The following GALNT10 variants were observed in gnomAD, a reference collection of about 807,000 sequenced individuals.
The protein encoded by GALNT10 is GalNAc transferase 10.
Under a neutral mutation model 75.0 loss-of-function variants are expected in GALNT10, and 41 were observed. The observed-to-expected ratio is 0.55, with a 90% CI of 0.43 to 0.71. The LOEUF (loss-of-function observed/expected upper bound fraction) is 0.71, where lower values mean the gene tolerates loss of function less well. Among genes scored for constraint, GALNT10 ranks in the 30% least tolerant of loss-of-function variants. The pLI is 0.00. For synonymous variants in GALNT10, 302 were observed against 313.0 expected (o/e 0.96, Z 0.37); for missense variants, 727 against 818.5 (o/e 0.89, Z 1.36).
intron 3 of GALNT10, among the ~76,000 whole-genome samples, chr5:154,314,633 C>A (rs949271540): frequency 2.0e-5 from 3 of 151,772 alleles, no homozygotes; most frequent in Admixed American, 2.0e-4. Flanking sequence ...TGCCTCCCCG[C>A]CTCCCACAAC....
Position 154,408,247 on chromosome 5 carries a change from CCTT to C in GALNT10, c.1165-1291_1165-1289del, listed in dbSNP as rs1366761114. ...TTAAACATTTGGGACCCCTGCCTGA[CCTT>C]CTGCTCCTAGAGCAATCCTTCACAC... On this transcript the variant is annotated intron_variant, in intron 8 of 11. Coordinates refer to ENST00000297107, the MANE Select transcript of GALNT10 (RefSeq NM_198321.4). Among the ~76,000 whole-genome samples the C allele has an allele frequency of 5.3e-5, 8 of 152,290 alleles. No homozygotes were observed. The East Asian group carries it at 1.2e-3, about 22-fold the overall frequency.
intron 7 of GALNT10, chr5:154,386,803 G>T: frequency 4.5e-6 from 2 of 440,450 alleles, no homozygotes; most frequent in Non-Finnish European, 8.0e-6. Flanking sequence ...AACAGGATAC[G>T]TAGGCCTAGA....
In GALNT10 at chr5:154,344,461, T is replaced by C. The variant is rs35796613; in HGVS notation, c.568+14723T>C. Among the ~76,000 whole-genome samples the C allele has an allele frequency of 8.0e-3, 1,221 of 152,204 alleles. 8 individuals are homozygous for C. Among genetic ancestry groups the C allele is most frequent in the Non-Finnish European group, 0.014 (973 of 68,014 alleles). On this transcript the variant is annotated intron_variant, in intron 4 of 11. Transcript: ENST00000297107. ...TCCTGACCTTGTGATCCGCCCACCT[T>C]GGCCTCCCAAAGTGCTAGGATTACA...
intron 3 of GALNT10, among the ~76,000 whole-genome samples, chr5:154,328,956 C>A (rs1388331204): frequency 6.6e-6 from 1 of 152,132 alleles, no homozygotes; most frequent in Non-Finnish European, 1.5e-5. Context: ...CAGCTCCTGT[C>A]CCCTTCCTGG....
intron 4 of GALNT10, chr5:154,337,622 C>G: frequency 1.1e-6 from 1 of 898,586 alleles, no homozygotes; most frequent in Non-Finnish European, 1.8e-6. Flanking sequence ...AATTTGAAGA[C>G]TGATAGTTGT....
chr5:154,322,706 C>T lies in GALNT10; in HGVS notation c.402-6866C>T, dbSNP rs577670147. ...GGGCCTGGGAAAATTCCCTATCCTC[C>T]CACAGGAGCTGATGTCCTCAGCCAG... On this transcript the variant is annotated intron_variant, in intron 3 of 11. Transcript: ENST00000297107. 2.0e-5 allele frequency among the ~76,000 whole-genome samples: 3 copies of T among 152,256 alleles called. No individual in the cohort carries two copies. The South Asian group carries it at 6.2e-4, about 32-fold the overall frequency.
chr5:154,398,862 A>C (rs961218754), intron 7 of GALNT10, among the ~76,000 whole-genome samples: 8 of 152,232 alleles, frequency 5.3e-5, no homozygotes, highest in African/African-American at 1.7e-4. Flanking sequence ...CAGTCTCTCC[A>C]TTTGGGAAAT....
chr5:154,372,815 G>A (rs1469063355), intron 4 of GALNT10, among the ~76,000 whole-genome samples: 2 of 152,124 alleles, frequency 1.3e-5, no homozygotes, highest in African/African-American at 4.8e-5. Flanking sequence ...TGCTGAGAGG[G>A]GGTATGGGTG....
intron 1 of GALNT10, among the ~76,000 whole-genome samples, chr5:154,193,773 G>A (rs184942329): frequency 2.0e-5 from 3 of 152,316 alleles, no homozygotes; most frequent in South Asian, 4.1e-4. Flanking sequence ...ATTAAAGAAC[G>A]GAGTTTCAAA....
chr5:154,322,368 T>G (rs1328920290), intron 3 of GALNT10, among the ~76,000 whole-genome samples: 4 of 152,088 alleles, frequency 2.6e-5, no homozygotes, highest in Non-Finnish European at 5.9e-5. Context: ...CTCTCGTAGC[T>G]CAAATCTCTA....
intron 1 of GALNT10, among the ~76,000 whole-genome samples, chr5:154,273,681 T>C (rs185633677): frequency 6.6e-6 from 1 of 152,330 alleles, no homozygotes; most frequent in East Asian, 1.9e-4. Flanking sequence ...GGAGAAATTT[T>C]TATTTTTCAT....
At chr5:154,274,556 C>T (rs186799278) in intron 1 of GALNT10, among the ~76,000 whole-genome samples, 2 of 152,264 alleles carry the variant, frequency 1.3e-5, no homozygotes, top group Non-Finnish European at 2.9e-5. Context: ...TCACCATCAT[C>T]GTCACCAAAT....
chr5:154,395,293 T>G (rs1460919471), intron 7 of GALNT10, among the ~76,000 whole-genome samples: 1 of 152,238 alleles, frequency 6.6e-6, no homozygotes, highest in African/African-American at 2.4e-5. Context: ...AGCACAGTAT[T>G]ACACAGATGG....
chr5:154,217,253 G>A (rs7737824), intron 1 of GALNT10, among the ~76,000 whole-genome samples: 139,374 of 152,228 alleles, frequency 0.92, 63,973 homozygotes, highest in African/African-American at 0.98. Flanking sequence ...ATTTTTGTGC[G>A]CTACAGTGGC....
At chr5:154,267,762 C>G (rs1465796950) in intron 1 of GALNT10, among the ~76,000 whole-genome samples, 1 of 152,140 alleles carries the variant, frequency 6.6e-6, no homozygotes, top group Non-Finnish European at 1.5e-5. Flanking sequence ...CCAGATTTCC[C>G]AAACTCCTTG....
intron 1 of GALNT10, among the ~76,000 whole-genome samples, chr5:154,235,661 T>G (rs542279915): frequency 6.6e-6 from 1 of 152,342 alleles, no homozygotes; most frequent in South Asian, 2.1e-4. Flanking sequence ...CTGAGCCAGT[T>G]ATTTAATCAC....
chr5:154,342,478 G>T (rs1231927273), intron 4 of GALNT10, among the ~76,000 whole-genome samples: 1 of 152,206 alleles, frequency 6.6e-6, no homozygotes, highest in African/African-American at 2.4e-5. Context: ...TGATTCGGTG[G>T]TTCTAGGGTG....
At position 154,412,960 on chromosome 5, in the gene GALNT10, G is replaced by A. The variant is rs948577114; in HGVS notation, c.1458G>A (p.Glu486=). Residue 486 remains glutamate (E), a synonymous_variant, in exon 10 of 12, where the codon GAG becomes GAA. Coordinates refer to ENST00000297107, the MANE Select transcript of GALNT10 (RefSeq NM_198321.4). This position sits in a 1 kb window ranked among gnomAD's most constrained non-coding sequence, Gnocchi z 4.2. ...CCTTGGGCTCCCCACTAAGGCTAGA[G>A]GGCTGCGTCCGAGGCCGTGGGGAGG... ...HGALGSPLRL[E]GCVRGRGEAA... is the part of the protein sequence containing the mutation. 6.2e-7 allele frequency: 1 copy of A among 1,613,640 alleles called. No homozygotes were observed. The highest frequency in any genetic ancestry group is 8.5e-7 in the Non-Finnish European group (1 of 1,179,780).
chr5:154,248,493 G>GT (rs1423682689), intron 1 of GALNT10, among the ~76,000 whole-genome samples: 1 of 152,134 alleles, frequency 6.6e-6, no homozygotes, highest in Non-Finnish European at 1.5e-5. Flanking sequence ...TTCAGAGCCT[G>GT]TATTGGTCTA....
Sources: gnomAD v4.1 joint callset for allele counts (sites outside exome capture counted in the v4.1 genomes callset) on GRCh38, gnomAD v4.1.1 for gene constraint, Gnocchi (gnomAD v3.1) non-coding constraint, MANE v1.5 for transcripts, NCBI Gene and HGNC (gene_info 2026-07-23, HGNC 2026-07-21) for gene names.